ARHGAP24: variants seen among roughly 807,000 people sequenced by gnomAD.
ARHGAP24 encodes rho GTPase-activating protein 24.
In ARHGAP24, 50 loss-of-function variants were observed where a neutral mutation model predicts 76.4. The observed-to-expected ratio is 0.65, with a 90% CI of 0.52 to 0.83. The LOEUF (loss-of-function observed/expected upper bound fraction) is 0.83. Ranked by LOEUF, ARHGAP24 falls within the 40% of genes least tolerant of loss-of-function variation. ARHGAP24 has a pLI of 0.00. For synonymous variants in ARHGAP24, 345 were observed against 323.3 expected (o/e 1.07, Z -0.72); for missense variants, 930 against 914.2 (o/e 1.02, Z -0.22).
Position 85,994,583 on chromosome 4 carries a change from G to A in ARHGAP24, c.929G>A (p.Gly310Asp), listed in dbSNP as rs748294402. The change falls in exon 9 of 10, where the codon GGC becomes GAC. Residue 310 changes from glycine to aspartate, a missense_variant and splice_region_variant. Coordinates refer to ENST00000395184, the MANE Select transcript of ARHGAP24 (RefSeq NM_001025616.3). ...KVEDPLTIME[G>D]TVVVQQLMSV... Reference sequence around the variant, plus strand: ...TACTTTATGTTCTATGCAATTCTAGGCACTGTGGTGGTCCAGCAGTTGATG... The same window carrying A: ...TACTTTATGTTCTATGCAATTCTAGACACTGTGGTGGTCCAGCAGTTGATG... 3 of 1,613,262 alleles carry A rather than the reference G, an allele frequency of 1.9e-6. No individual in the cohort carries two copies. The highest frequency in any genetic ancestry group is 2.5e-6 in the Non-Finnish European group (3 of 1,179,254).
At chr4:85,774,419 T>C (rs1727233949) in intron 3 of ARHGAP24, among the ~76,000 whole-genome samples, 2 of 152,232 alleles carry the variant, frequency 1.3e-5, no homozygotes, top group South Asian at 4.1e-4. Context: ...AATGCAAAGA[T>C]TTAGCCTTTG....
At chr4:86,000,444 T>TGGGGGGGGGGGGGG in intron 9 of ARHGAP24, 35 bp from the exon 10 acceptor site, 1 of 616,722 alleles carries the variant, frequency 1.6e-6, no homozygotes, top group Non-Finnish European at 2.7e-6. Flanking sequence ...TACTCTTGCG[T>TGGGGGGGGGGGGGG]CCCCACCCCC....
At chr4:85,486,685 A>G (rs925154104) in intron 1 of ARHGAP24, among the ~76,000 whole-genome samples, 20 of 152,216 alleles carry the variant, frequency 1.3e-4, no homozygotes, top group Non-Finnish European at 2.6e-4. Flanking sequence ...AGGACATACT[A>G]GTAATAGTTC....
At chr4:85,890,643 CAGG>C (rs1293915041) in intron 3 of ARHGAP24, among the ~76,000 whole-genome samples, 1 of 152,090 alleles carries the variant, frequency 6.6e-6, no homozygotes, top group Non-Finnish European at 1.5e-5. Flanking sequence ...AAATCACGTT[CAGG>C]TAGTGGCAGC....
intron 1 of ARHGAP24, among the ~76,000 whole-genome samples, chr4:85,495,672 T>G (rs1723551320): frequency 6.6e-6 from 1 of 152,038 alleles, no homozygotes; most frequent in Admixed American, 6.6e-5. Context: ...TTACTATTAT[T>G]AATCAGGAAT....
chr4:85,784,935 CTATCTATCT>C (rs1727749350), intron 3 of ARHGAP24, among the ~76,000 whole-genome samples: 1 of 150,884 alleles, frequency 6.6e-6, no homozygotes, highest in Non-Finnish European at 1.5e-5. Context: ...ATCTATCTAT[CTATCTATCT>C]ATCTATCTAT....
rs957834119 is a variant in ARHGAP24 at position 85,755,776 on chromosome 4, G to A, written c.268+33804G>A. Among the ~76,000 whole-genome samples, 3 of 151,642 alleles carry A rather than the reference G, an allele frequency of 2.0e-5. No homozygotes were observed. The East Asian group carries it at 5.8e-4, about 29-fold the overall frequency. Reference sequence around the variant, plus strand: ...GCGTCCTGAGTAGCTGGGATTACAGGCGCCCGCCACTACGTCTGGCTAATT... The same window carrying A: ...GCGTCCTGAGTAGCTGGGATTACAGACGCCCGCCACTACGTCTGGCTAATT... On this transcript the variant is annotated intron_variant, in intron 3 of 9. Coordinates refer to ENST00000395184, the MANE Select transcript of ARHGAP24 (RefSeq NM_001025616.3).
At chr4:85,589,985 G>C (rs1484644736) in intron 2 of ARHGAP24, among the ~76,000 whole-genome samples, 2 of 152,056 alleles carry the variant, frequency 1.3e-5, no homozygotes, top group African/African-American at 4.8e-5. Flanking sequence ...TGTGCATTTT[G>C]CATGTTAATT....
chr4:85,498,355 A>G (rs1291642155), intron 1 of ARHGAP24, among the ~76,000 whole-genome samples: 3 of 152,176 alleles, frequency 2.0e-5, no homozygotes, highest in African/African-American at 7.2e-5. Context: ...TTGCTCCTTT[A>G]AGCCAACACT....
intron 2 of ARHGAP24, among the ~76,000 whole-genome samples, chr4:85,585,536 T>C (rs1427258535): frequency 6.6e-6 from 1 of 152,250 alleles, no homozygotes; most frequent in Non-Finnish European, 1.5e-5. Context: ...TTAAGGGTTA[T>C]AACAAAATGG....
At position 85,564,485 on chromosome 4, in the gene ARHGAP24, T is replaced by C. The variant is rs370585389; in HGVS notation, c.-20-6037T>C. 4.1e-3 allele frequency among the ~76,000 whole-genome samples: 615 copies of C among 151,654 alleles called. 4 individuals are homozygous for C. Among genetic ancestry groups the C allele is most frequent in the African/African-American group, 0.012 (495 of 41,250 alleles). On this transcript the variant is annotated intron_variant, in intron 1 of 9. Coordinates refer to ENST00000395184, the MANE Select transcript of ARHGAP24 (RefSeq NM_001025616.3). ...GCAGCACACCAACATGGCACATGTA[T>C]ACATATGTAACAAACCTGCATGTTG...
At chr4:85,754,125 C>T (rs1726382318) in intron 3 of ARHGAP24, among the ~76,000 whole-genome samples, 1 of 152,176 alleles carries the variant, frequency 6.6e-6, no homozygotes, top group South Asian at 2.1e-4. Flanking sequence ...ACCTCCTGAT[C>T]TCTGGTAAAA....
At chr4:85,977,464 T>G in intron 7 of ARHGAP24, 106 bp from the exon 8 acceptor site, 2 of 1,294,502 alleles carry the variant, frequency 1.5e-6, no homozygotes, top group Non-Finnish European at 1.1e-6. Flanking sequence ...GTCTCCATAG[T>G]CATCTTTGAA....
At chr4:85,674,708 G>T (rs142871505) in intron 2 of ARHGAP24, among the ~76,000 whole-genome samples, 402 of 152,220 alleles carry the variant, frequency 2.6e-3, no homozygotes, top group African/African-American at 9.2e-3. Context: ...GTCATGTAAG[G>T]ATGTGCCAAT....
intron 2 of ARHGAP24, among the ~76,000 whole-genome samples, chr4:85,585,397 C>G (rs1002238361): frequency 2.6e-5 from 4 of 152,314 alleles, no homozygotes; most frequent in Admixed American, 6.5e-5. Flanking sequence ...GTGTGGCTAT[C>G]AAGCCTGCCT....
chr4:85,691,771 G>A (rs1220222946), intron 2 of ARHGAP24, among the ~76,000 whole-genome samples: 1 of 152,132 alleles, frequency 6.6e-6, no homozygotes, highest in African/African-American at 2.4e-5. Flanking sequence ...GAAAATGGTT[G>A]GGTGTTACCT....
At chr4:85,998,625 T>C (rs886377565) in intron 9 of ARHGAP24, among the ~76,000 whole-genome samples, 2 of 152,162 alleles carry the variant, frequency 1.3e-5, no homozygotes, top group African/African-American at 2.4e-5. Context: ...ACTTCTTTTT[T>C]CCATATTAAA....
intron 1 of ARHGAP24, among the ~76,000 whole-genome samples, chr4:85,500,216 G>A (rs1723750011): frequency 6.6e-6 from 1 of 152,100 alleles, no homozygotes; most frequent in South Asian, 2.1e-4. Context: ...GTAGATACTA[G>A]AAAATTTAAA....
intron 3 of ARHGAP24, among the ~76,000 whole-genome samples, chr4:85,890,021 A>T (rs539387538): frequency 1.9e-4 from 29 of 152,174 alleles, no homozygotes; most frequent in Non-Finnish European, 3.4e-4. Flanking sequence ...GTAATGATGT[A>T]TATATAGTTT....
Sources: allele counts gnomAD v4.1 joint callset (sites outside exome capture counted in the v4.1 genomes callset), GRCh38; gene constraint gnomAD v4.1.1; transcripts MANE v1.5; gene names NCBI Gene and HGNC (gene_info 2026-07-23, HGNC 2026-07-21).